SNUPN: variants seen among roughly 807,000 people sequenced by gnomAD.
SNUPN encodes snurportin-1.
A neutral mutation model predicts 39.2 loss-of-function variants in SNUPN; 31 were observed. The observed-to-expected ratio is 0.79, with a 90% CI of 0.59 to 1.07. The LOEUF (loss-of-function observed/expected upper bound fraction) is 1.07, where lower values mean the gene tolerates loss of function less well. Ranked by LOEUF, SNUPN falls within the 50% of genes least tolerant of loss-of-function variation. The probability of loss-of-function intolerance (pLI) is 0.00; values close to 1 mark genes in which losing one functional copy is unlikely to be tolerated. For missense variants in SNUPN, 382 were observed against 434.2 expected (o/e 0.88, Z 1.07); for synonymous variants, 132 against 159.0 (o/e 0.83, Z 1.28).
intron 7 of SNUPN, among the ~76,000 whole-genome samples, chr15:75,604,801 T>C (rs978231835): frequency 1.4e-5 from 2 of 144,746 alleles, no homozygotes; most frequent in Non-Finnish European, 3.2e-5. Flanking sequence ...ATAAGTTCTT[T>C]TGTGGTGATT....
intron 2 of SNUPN, 21 bp downstream of exon 2, chr15:75,620,873 A>T: frequency 6.2e-7 from 1 of 1,607,598 alleles, no homozygotes; most frequent in Non-Finnish European, 8.5e-7. Context: ...GAAAGAAGAC[A>T]AGGAGTTAAA....
Position 75,607,290 on chromosome 15 carries a change from A to G in SNUPN, c.526T>C (p.Tyr176His), listed in dbSNP as rs1567552034. 6.2e-7 allele frequency: 1 copy of G among 1,613,174 alleles called. No homozygotes were observed. The highest frequency in any genetic ancestry group is 8.5e-7 in the Non-Finnish European group (1 of 1,179,134). The change falls in exon 6 of 9, where the codon TAC becomes CAC. Residue 176 changes from tyrosine to histidine, a missense_variant. Transcript: ENST00000308588. Reference protein sequence around the residue: ...AKDYTILDCIYNEVNQTYYVL... With the variant: ...AKDYTILDCIHNEVNQTYYVL... ...TAGTAGGTCTGGTTTACCTCATTGT[A>G]AATGCAATCTAGAATGGTGTAGTCT...
chr15:75,621,140 G>T, intron 1 of SNUPN, 84 bp from the exon 2 acceptor site: 1 of 1,320,858 alleles, frequency 7.6e-7, no homozygotes, highest in Non-Finnish European at 1.0e-6. Context: ...TGATATGATG[G>T]CCACATTCCT....
chr15:75,605,111 C>A, intron 7 of SNUPN, 39 bp downstream of exon 7: 1 of 1,287,936 alleles, frequency 7.8e-7, no homozygotes, highest in Non-Finnish European at 1.1e-6. Context: ...CCACACTACT[C>A]CCCATAAGGA....
Position 75,598,258 on chromosome 15 carries a change from C to A in SNUPN, c.*100G>T. ...CCAGCTGGACTGGGTTTGGAAAGTT[C>A]ACTCTAAAGAATGAAGTCACCTGTT... On this transcript the variant is annotated 3_prime_UTR_variant, in exon 9 of 9. Transcript: ENST00000308588. 1.1e-6 allele frequency: 1 copy of A among 946,282 alleles called. No homozygotes were observed. The highest frequency in any genetic ancestry group is 3.2e-4 in the Middle Eastern group (1 of 3,120). 58.6% of individuals were successfully genotyped at this position (946,282 alleles called of 1,614,324 possible).
chr15:75,609,781 A>G, intron 4 of SNUPN, 109 bp downstream of exon 4: 1 of 1,147,270 alleles, frequency 8.7e-7, no homozygotes, highest in South Asian at 1.3e-5. Context: ...AAAGTGTTTC[A>G]AGCTCCACTC....
At chr15:75,617,287 T>A in intron 3 of SNUPN, 121 bp downstream of exon 3, 1 of 1,026,510 alleles carries the variant, frequency 9.7e-7, no homozygotes, top group African/African-American at 1.6e-5. Flanking sequence ...TTCTTTGCAG[T>A]TCCTATTCCT....
chr15:75,604,833 C>A (rs920991945), intron 7 of SNUPN, among the ~76,000 whole-genome samples: 2 of 152,038 alleles, frequency 1.3e-5, no homozygotes, highest in Non-Finnish European at 2.9e-5. Flanking sequence ...GTGCACCCAC[C>A]ACCCAAGCAG....
At chr15:75,599,686 G>T (rs890478952) in intron 8 of SNUPN, among the ~76,000 whole-genome samples, 7 of 152,264 alleles carry the variant, frequency 4.6e-5, no homozygotes, top group African/African-American at 1.7e-4. Flanking sequence ...GGGCATAAGG[G>T]TTATAAATAA....
chr15:75,617,025 T>G (rs1340894887), intron 3 of SNUPN, among the ~76,000 whole-genome samples: 1 of 152,134 alleles, frequency 6.6e-6, no homozygotes, highest in African/African-American at 2.4e-5. Flanking sequence ...AAGGAGTCAG[T>G]GGTAGGCTGG....
At chr15:75,625,325 C>G (rs1324087589) in intron 1 of SNUPN, 1 of 150,736 alleles carries the variant, frequency 6.6e-6, no homozygotes, top group Non-Finnish European at 1.5e-5. Flanking sequence ...GCAGCCTCCG[C>G]GTTTCCCTAC....
At chr15:75,602,613 T>C (rs1485069304) in intron 7 of SNUPN, among the ~76,000 whole-genome samples, 2 of 151,884 alleles carry the variant, frequency 1.3e-5, no homozygotes, top group Non-Finnish European at 2.9e-5. Flanking sequence ...AGGTTTTTTG[T>C]TGTTTTTTTT....
At chr15:75,601,974 C>G (rs897935559) in intron 7 of SNUPN, among the ~76,000 whole-genome samples, 1 of 152,082 alleles carries the variant, frequency 6.6e-6, no homozygotes, top group Admixed American at 6.6e-5. Flanking sequence ...AATTCCTGGG[C>G]TCAAGGGATT....
At chr15:75,606,806 A>G (rs1249779093) in intron 6 of SNUPN, among the ~76,000 whole-genome samples, 5 of 152,082 alleles carry the variant, frequency 3.3e-5, no homozygotes, top group Non-Finnish European at 2.9e-5. Context: ...GCAGGAGTCT[A>G]GTAGATGGTG....
At chr15:75,610,189 G>A (rs908692446) in intron 3 of SNUPN, among the ~76,000 whole-genome samples, 195 bp from the exon 4 acceptor site, 2 of 152,000 alleles carry the variant, frequency 1.3e-5, no homozygotes, top group East Asian at 3.9e-4. Context: ...CCTGAGGTCA[G>A]GAGTTCAAGA....
intron 1 of SNUPN, chr15:75,624,638 A>C (rs1595991229): frequency 1.1e-6 from 1 of 884,652 alleles, no homozygotes. Flanking sequence ...GTGCCACTGC[A>C]CTCCAGCCTG....
intron 5 of SNUPN, among the ~76,000 whole-genome samples, chr15:75,608,562 C>T (rs377754264): frequency 1.3e-5 from 2 of 152,212 alleles, no homozygotes; most frequent in East Asian, 1.9e-4. Flanking sequence ...GGAGGAAGAA[C>T]CTAAGGTTAC....
chr15:75,619,735 C>A (rs1893021939), intron 2 of SNUPN, among the ~76,000 whole-genome samples: 1 of 151,854 alleles, frequency 6.6e-6, no homozygotes, highest in African/African-American at 2.4e-5. Flanking sequence ...ACCATATACT[C>A]TTCTATTTAT....
intron 6 of SNUPN, among the ~76,000 whole-genome samples, chr15:75,606,358 C>G (rs2075331116): frequency 6.6e-6 from 1 of 151,968 alleles, no homozygotes; most frequent in Admixed American, 6.6e-5. Context: ...ATGGTGACAG[C>G]CTGCATGAAG....
Sources: gnomAD v4.1 joint callset for allele counts (sites outside exome capture counted in the v4.1 genomes callset) on GRCh38, gnomAD v4.1.1 for gene constraint, MANE v1.5 for transcripts, NCBI Gene and HGNC (gene_info 2026-07-23, HGNC 2026-07-21) for gene names.